IL12RB2: variants seen among roughly 807,000 people sequenced by gnomAD.
IL12RB2 encodes the protein interleukin-12 receptor subunit beta-2.
Under a neutral mutation model 89.4 loss-of-function variants are expected in IL12RB2, and 82 were observed. The ratio of observed to expected loss-of-function variants is 0.92; its 90% CI spans 0.77 to 1.10. IL12RB2 has a LOEUF of 1.10. Ranked by LOEUF, IL12RB2 falls within the 50% of genes least tolerant of loss-of-function variation. The pLI, the probability that IL12RB2 is intolerant of heterozygous loss-of-function variation, is 0.00. For synonymous variants in IL12RB2, 368 were observed against 370.1 expected, an observed-to-expected ratio of 0.99 and a Z score of 0.07; for missense variants, 963 against 1,031.9, an observed-to-expected ratio of 0.93 and a Z score of 0.92.
intron 4 of IL12RB2, among the ~76,000 whole-genome samples, chr1:67,323,163 C>A (rs564898288): frequency 3.9e-5 from 6 of 152,070 alleles, no homozygotes; most frequent in Non-Finnish European, 8.8e-5. Flanking sequence ...TAGTTGGTGC[C>A]AGGTGATTTT....
chr1:67,350,032 A>G (rs946685), intron 9 of IL12RB2, among the ~76,000 whole-genome samples: 102,583 of 152,072 alleles, frequency 0.67, 38,541 homozygotes, highest in South Asian at 0.85. Context: ...TTCAGCAAAC[A>G]CAGCCGGAGG....
At position 67,372,553 on chromosome 1, in the gene IL12RB2, T is replaced by C; in HGVS notation, c.1558+19T>C. The C allele has an allele frequency of 6.2e-7, 1 of 1,602,350 alleles. No homozygotes were observed. Among genetic ancestry groups the C allele is most frequent in the Middle Eastern group, 1.7e-4 (1 of 6,034 alleles). ...CACAAAGGTGAGTCTTGGGATCTTT[T>C]GCCAAATTTTGCTTTAGTTTAATGA... is the stretch of plus-strand genomic sequence containing the variant. On this transcript the variant is annotated intron_variant, in intron 12 of 16. Coordinates refer to ENST00000674203, the MANE Select transcript of IL12RB2 (RefSeq NM_001374259.2).
chr1:67,395,865 C>T lies in IL12RB2; in HGVS notation c.2365C>T (p.Leu789Phe), dbSNP rs1666322236. 4.4e-6 allele frequency: 7 copies of T among 1,608,778 alleles called. No homozygotes were observed. The highest frequency in any genetic ancestry group is 5.1e-6 in the Non-Finnish European group (6 of 1,175,918). ...PENPACPWTVLPAGDLPTHDG... is the reference protein window; with the variant it reads ...PENPACPWTVFPAGDLPTHDG... ...AAACCCAGCCTGTCCCTGGACGGTG[C>T]TCCCAGCAGGTGACCTTCCCACCCA... The change falls in exon 17 of 17, where the codon CTC becomes TTC. Residue 789 changes from leucine (L) to phenylalanine (F), a missense_variant. Leu to Phe is a conservative substitution (Grantham distance 22). Transcript: ENST00000674203.
chr1:67,377,715 T>G (rs1409804774), intron 13 of IL12RB2, among the ~76,000 whole-genome samples: 3 of 121,418 alleles, frequency 2.5e-5, no homozygotes, highest in Non-Finnish European at 4.9e-5. Context: ...TCCTTCCCAG[T>G]TTCCCCTCTC....
At position 67,396,083 on chromosome 1, in the gene IL12RB2, G is replaced by A. The variant is rs1389265184; in HGVS notation, c.2583G>A (p.Met861Ile). The change falls in exon 17 of 17, where the codon ATG (methionine) becomes ATA (isoleucine). Residue 861 changes from methionine to isoleucine, a missense_variant. By Grantham distance (10) the Met-to-Ile change is conservative. Coordinates refer to ENST00000674203, the MANE Select transcript of IL12RB2 (RefSeq NM_001374259.2). ...TAAAGATGAGGTGTGACTCCCTCATGCTCTGAGTGGTGAGGCTTCAAGCCT... is the reference window on the plus strand; with the variant it reads ...TAAAGATGAGGTGTGACTCCCTCATACTCTGAGTGGTGAGGCTTCAAGCCT... ...DQLKMRCDSL[M>I]L 6.3e-7 allele frequency: 1 copy of A among 1,579,300 alleles called. No individual in the cohort carries two copies.
At chr1:67,346,045 A>T (rs1660179582) in intron 9 of IL12RB2, among the ~76,000 whole-genome samples, 1 of 152,142 alleles carries the variant, frequency 6.6e-6, no homozygotes, top group South Asian at 2.1e-4. Flanking sequence ...AGTATAGCAG[A>T]ACACTGGGGA....
chr1:67,309,157 T>C (rs1191859341), intron 1 of IL12RB2, among the ~76,000 whole-genome samples: 1 of 152,176 alleles, frequency 6.6e-6, no homozygotes, highest in African/African-American at 2.4e-5. Context: ...TAATCTGCTA[T>C]GTGTGTGCTC....
At chr1:67,334,468 C>A (rs945358319) in intron 8 of IL12RB2, among the ~76,000 whole-genome samples, 1 of 152,166 alleles carries the variant, frequency 6.6e-6, no homozygotes, top group Non-Finnish European at 1.5e-5. Context: ...TCACATGTCA[C>A]TAAAAAGGAT....
chr1:67,382,250 T>C (rs1439656855), intron 14 of IL12RB2, among the ~76,000 whole-genome samples: 3 of 152,214 alleles, frequency 2.0e-5, no homozygotes, highest in Non-Finnish European at 2.9e-5. Flanking sequence ...ATCCTCCTGA[T>C]TGTATGGGGT....
chr1:67,373,868 G>A (rs1374182870), intron 13 of IL12RB2, among the ~76,000 whole-genome samples: 1 of 152,166 alleles, frequency 6.6e-6, no homozygotes, highest in East Asian at 1.9e-4. Context: ...CTGCAGGGGT[G>A]ATTTTCACCT....
intron 13 of IL12RB2, among the ~76,000 whole-genome samples, chr1:67,379,442 G>A (rs17129918): frequency 6.2e-5 from 9 of 144,546 alleles, no homozygotes; most frequent in South Asian, 4.5e-4. Flanking sequence ...CCCAGGAGGC[G>A]GAGGTTGCAG....
rs1486341442 is a variant in IL12RB2, at chr1:67,351,195, C to G, written c.1258+106C>G. The G allele has an allele frequency of 4.5e-6, 7 of 1,548,124 alleles. No individual in the cohort carries two copies. In the East Asian group the frequency reaches 1.2e-4, roughly 27 times the overall value. ...GACCTAAAATGAGTAGCTAGGAGTT[C>G]AGGCTTTGGAGTCAACAGCTTTCAG... is the stretch of plus-strand genomic sequence containing the variant. On this transcript the variant is annotated intron_variant, in intron 10 of 16. Coordinates refer to ENST00000674203, the MANE Select transcript of IL12RB2 (RefSeq NM_001374259.2).
rs150091362 is a variant in IL12RB2, at chr1:67,380,096, G to C, written c.1828G>C (p.Gly610Arg). 3 of 1,614,170 alleles carry C rather than the reference G, an allele frequency of 1.9e-6. No individual in the cohort carries two copies. The highest frequency in any genetic ancestry group is 2.5e-6 in the Non-Finnish European group (3 of 1,180,028). ...GACAGCTGCTGGTGAAAGTTCCCAC[G>C]GAAATGAGAGGGAATTTTGTCTGCA... ...ALTAAGESSH[G>R]NEREFCLQGK... Residue 610 changes from glycine to arginine, a missense_variant, in exon 14 of 17, where the codon GGA becomes CGA. By Grantham distance (125) the Gly-to-Arg change is moderately radical (BLOSUM62 -2). Coordinates refer to ENST00000674203, the MANE Select transcript of IL12RB2 (RefSeq NM_001374259.2).
intron 1 of IL12RB2, 150 bp downstream of exon 1, chr1:67,308,117 A>G (rs1654522199): frequency 6.6e-6 from 1 of 152,046 alleles, no homozygotes; most frequent in South Asian, 2.1e-4. Flanking sequence ...ATGTATATAT[A>G]TATTTTTAAA....
Position 67,346,174 on chromosome 1 carries a change from G to A in IL12RB2, c.1039-4696G>A, listed in dbSNP as rs144815406. 6.1e-3 allele frequency among the ~76,000 whole-genome samples: 923 copies of A among 152,262 alleles called. 4 individuals carry two copies. The highest frequency in any genetic ancestry group is 0.012 in the South Asian group (60 of 4,820). ...TTGGCTGGATGTTCTTGGGCAAAGT[G>A]CTTAAACTCTCTGTTCCTTATTTTA... is the stretch of plus-strand genomic sequence containing the variant. On this transcript the variant is annotated intron_variant, in intron 9 of 16. Transcript: ENST00000674203.
At position 67,387,026 on chromosome 1, in the gene IL12RB2, T is replaced by G. The variant is rs562375742; in HGVS notation, c.1946+357T>G. 4.4e-4 allele frequency among the ~76,000 whole-genome samples: 67 copies of G among 151,484 alleles called. 1 individual carries two copies. The South Asian group carries it at 8.6e-3, about 19-fold the overall frequency. On this transcript the variant is annotated intron_variant, in intron 15 of 16. Transcript: ENST00000674203. ...TCACTGCAACCTCCGCCTCCTGGGT[T>G]CAAGCAATTGTCCTGCCTCAGCCTC...
At chr1:67,355,031 G>T (rs954440902) in intron 10 of IL12RB2, among the ~76,000 whole-genome samples, 1 of 152,068 alleles carries the variant, frequency 6.6e-6, no homozygotes, top group Non-Finnish European at 1.5e-5. Flanking sequence ...CAGGGGGATT[G>T]CTTGAGCCCA....
At chr1:67,349,400 G>A (rs1396241811) in intron 9 of IL12RB2, among the ~76,000 whole-genome samples, 1 of 152,190 alleles carries the variant, frequency 6.6e-6, no homozygotes, top group East Asian at 1.9e-4. Context: ...TAGCTGAGGG[G>A]ATGGTCTTCC....
At chr1:67,359,651 G>A (rs1482225972) in intron 10 of IL12RB2, among the ~76,000 whole-genome samples, 2 of 152,106 alleles carry the variant, frequency 1.3e-5, no homozygotes, top group African/African-American at 2.4e-5. Flanking sequence ...GAACCTGGGA[G>A]GTGGCAGTTG....
Sources: allele counts gnomAD v4.1 joint callset (sites outside exome capture counted in the v4.1 genomes callset), GRCh38; gene constraint gnomAD v4.1.1; transcripts MANE v1.5; gene names NCBI Gene and HGNC (gene_info 2026-07-23, HGNC 2026-07-21).